Variants in GPATCH2L observed in about 807,000 individuals in gnomAD.
The protein encoded by GPATCH2L is G-patch domain containing 2 like.
GPATCH2L carries 31 observed loss-of-function variants against 57.4 expected under a neutral mutation model. The ratio of observed to expected loss-of-function variants is 0.54; its 90% confidence interval spans 0.41 to 0.73. GPATCH2L has a LOEUF of 0.73. GPATCH2L is among the 30% of genes least tolerant of loss of function. The pLI is 0.00. For synonymous variants in GPATCH2L, 199 were observed against 210.7 expected (o/e 0.94, Z 0.48); for missense variants, 481 against 599.9 (o/e 0.80, Z 2.07).
chr14:76,152,417 G>A (rs2038092151), intron 1 of GPATCH2L: 2 of 292,148 alleles, frequency 6.8e-6, no homozygotes, highest in African/African-American at 4.4e-5. Context: ...TGCCCTAGAA[G>A]AGCCGATCCC....
At chr14:76,234,105 G>C (rs937515524) in intron 2 of GPATCH2L, among the ~76,000 whole-genome samples, 1 of 152,146 alleles carries the variant, frequency 6.6e-6, no homozygotes, top group Non-Finnish European at 1.5e-5. Flanking sequence ...GCAAGAACCT[G>C]TCTCTAAAAA....
chr14:76,171,822 G>A, intron 3 of GPATCH2L, 21 bp from the exon 4 acceptor site: 1 of 1,471,446 alleles, frequency 6.8e-7, no homozygotes, highest in South Asian at 1.3e-5. Context: ...TCTAGCTTAT[G>A]ATATGATGTC....
rs1297150134 is a variant in GPATCH2L, at chr14:76,203,095, C to G, written c.*1244C>G. 1 of 152,206 alleles carries G rather than the reference C, an allele frequency of 6.6e-6. No individual in the cohort carries two copies. Among genetic ancestry groups the G allele is most frequent in the Non-Finnish European group, 1.5e-5 (1 of 68,050 alleles). 9.4% of individuals were successfully genotyped at this position (152,206 alleles called of 1,614,324 possible). The stretch of plus-strand genomic sequence containing the variant: ...TCCCACTCATGCATCTGCTTATTTT[C>G]TGTCTTAAATAGGTGCTGAATGGGG... On this transcript the variant is annotated 3_prime_UTR_variant, in exon 10 of 10. Transcript: ENST00000261530.
At chr14:76,169,642 T>G (rs2038998703) in intron 3 of GPATCH2L, among the ~76,000 whole-genome samples, 1 of 152,178 alleles carries the variant, frequency 6.6e-6, no homozygotes, top group African/African-American at 2.4e-5. Context: ...GGGAGTCCCT[T>G]TTTGTATTAT....
chr14:76,212,214 A>G lies in GPATCH2L; in HGVS notation c.*10363A>G, dbSNP rs184384531. The G allele has an allele frequency of 1.5e-4, 23 of 152,304 alleles. 1 individual carries two copies. Among genetic ancestry groups the G allele is most frequent in the African/African-American group, 5.5e-4 (23 of 41,574 alleles). The allele number at this position is 152,304 out of a possible 1,614,324, so 9.4% of individuals were successfully genotyped here. A position where few individuals can be genotyped will look rare whatever the true frequency, so the allele number is the denominator to read the frequency against. On this transcript the variant is annotated 3_prime_UTR_variant, in exon 10 of 10. Transcript: ENST00000261530. Reference sequence around the variant, plus strand: ...AGATGTCTAAAACCATAGAATAGGAACAAATGTACCTGTCATATTAATAAA... The same window carrying G: ...AGATGTCTAAAACCATAGAATAGGAGCAAATGTACCTGTCATATTAATAAA...
At position 76,205,366 on chromosome 14, in the gene GPATCH2L, G is replaced by GGTA. The variant is rs1194994577; in HGVS notation, c.*3516_*3518dup. 1 of 152,142 alleles carries GGTA rather than the reference G, an allele frequency of 6.6e-6. No homozygotes were observed. The highest frequency in any genetic ancestry group is 2.4e-5 in the African/African-American group (1 of 41,408). The allele number at this position is 152,142 out of a possible 1,614,324, so 9.4% of individuals were successfully genotyped here. A position where few individuals can be genotyped will look rare whatever the true frequency, so the allele number is the denominator to read the frequency against. ...GGGCTGAGTATAATTTTTACTGAGT[G>GGTA]GTATGTGGTTGGAAAATAGGCCACA... On this transcript the variant is annotated 3_prime_UTR_variant, in exon 10 of 10. Coordinates refer to ENST00000261530, the MANE Select transcript of GPATCH2L (RefSeq NM_017926.4).
chr14:76,235,212 A>C (rs1045316252), intron 2 of GPATCH2L, among the ~76,000 whole-genome samples: 2 of 152,058 alleles, frequency 1.3e-5, no homozygotes, highest in African/African-American at 4.8e-5. Context: ...TACAGTAGAC[A>C]TTCACCAAAC....
At chr14:76,220,262 C>T (rs775739143) in intron 1 of GPATCH2L, among the ~76,000 whole-genome samples, 3 of 152,112 alleles carry the variant, frequency 2.0e-5, no homozygotes, top group Non-Finnish European at 2.9e-5. Flanking sequence ...CTAACTATAT[C>T]TGGCTTTCAA....
Position 76,205,519 on chromosome 14 carries a change from T to A in GPATCH2L, c.*3668T>A, listed in dbSNP as rs2139835945. The A allele has an allele frequency of 6.6e-6, 1 of 152,362 alleles. No individual in the cohort carries two copies. Among genetic ancestry groups the A allele is most frequent in the East Asian group, 1.9e-4 (1 of 5,190 alleles). The allele number at this position is 152,362 out of a possible 1,614,324, so 9.4% of individuals were successfully genotyped here. ...GGCCAAAAGCTGAAATAAATCTTCT[T>A]AGTCTGTGATGCTTGTAGCATCCTT... On this transcript the variant is annotated 3_prime_UTR_variant, in exon 10 of 10. Transcript: ENST00000261530.
In GPATCH2L at chr14:76,206,277, CA is replaced by C. The variant is rs2040374788; in HGVS notation, c.*4428del. 6.6e-6 allele frequency: 1 copy of C among 152,154 alleles called. No homozygotes were observed. Among genetic ancestry groups the C allele is most frequent in the African/African-American group, 2.4e-5 (1 of 41,428 alleles). The allele number at this position is 152,154 out of a possible 1,614,324, so 9.4% of individuals were successfully genotyped here. A position where few individuals can be genotyped will look rare whatever the true frequency, so the allele number is the denominator to read the frequency against. ...GAGTTCCATCACTCAGAACTAAATG[CA>C]AGTGGTAGAGAGATGCTTTCTCCTG... On this transcript the variant is annotated 3_prime_UTR_variant, in exon 10 of 10. Coordinates refer to ENST00000261530, the MANE Select transcript of GPATCH2L (RefSeq NM_017926.4).
Position 76,201,939 on chromosome 14 carries a change from C to T in GPATCH2L, c.*88C>T, listed in dbSNP as rs2040318835. 6 of 1,114,750 alleles carry T rather than the reference C, an allele frequency of 5.4e-6. No homozygotes were observed. The highest frequency in any genetic ancestry group is 2.6e-5 in the East Asian group (1 of 38,908). 69.1% of individuals were successfully genotyped at this position (1,114,750 alleles called of 1,614,324 possible). A position where few individuals can be genotyped will look rare whatever the true frequency, so the allele number is the denominator to read the frequency against. ...GTTAGATAGTCTTGCATATCTTAAT[C>T]GACATTCCCAGTCCTTTCACCACCA... On this transcript the variant is annotated 3_prime_UTR_variant, in exon 10 of 10. Coordinates refer to ENST00000261530, the MANE Select transcript of GPATCH2L (RefSeq NM_017926.4).
intron 8 of GPATCH2L, among the ~76,000 whole-genome samples, chr14:76,192,891 A>G (rs2040025461): frequency 6.6e-6 from 1 of 152,188 alleles, no homozygotes; most frequent in Non-Finnish European, 1.5e-5. Flanking sequence ...TAAGATATTC[A>G]AGGCAACAGT....
Position 76,172,899 on chromosome 14 carries a change from T to C in GPATCH2L, c.905-647T>C, listed in dbSNP as rs374827693. ...CAGTTGGTGCTTGGTAAAGACTAGC[T>C]GAGGCACACATTGCTTTATTGAACA... is the stretch of plus-strand genomic sequence containing the variant. On this transcript the variant is annotated intron_variant, in intron 4 of 9. Transcript: ENST00000261530. Among the ~76,000 whole-genome samples, 5 of 152,236 alleles carry C rather than the reference T, an allele frequency of 3.3e-5. No homozygotes were observed. The East Asian group carries it at 5.8e-4, about 18-fold the overall frequency.
In GPATCH2L at chr14:76,154,722, A is replaced by T. The variant is rs761327635; in HGVS notation, c.359A>T (p.Asn120Ile). 6.2e-7 allele frequency: 1 copy of T among 1,614,194 alleles called. No homozygotes were observed. The highest frequency in any genetic ancestry group is 2.2e-5 in the East Asian group (1 of 44,892). The change falls in exon 2 of 10, where the codon AAT becomes ATT. Residue 120 changes from asparagine (N) to isoleucine (I), a missense_variant. Asn to Ile is a moderately radical substitution (Grantham distance 149). Transcript: ENST00000261530. The surrounding 1 kb of genome is among the most constrained non-coding windows in gnomAD (Gnocchi z 4.4). ...SWHESDSFTE[N>I]APCRPLRRRR... ...CATGAATCTGACTCCTTTACTGAAA[A>T]TGCACCTTGTCGACCACTCAGGCGC...
At chr14:76,187,462 G>T (rs1456241402) in intron 8 of GPATCH2L, among the ~76,000 whole-genome samples, 2 of 151,984 alleles carry the variant, frequency 1.3e-5, no homozygotes, top group African/African-American at 2.4e-5. Context: ...AGAATAATTG[G>T]AATATATATA....
At chr14:76,157,524 A>G (rs1265364081) in intron 2 of GPATCH2L, among the ~76,000 whole-genome samples, 1 of 152,182 alleles carries the variant, frequency 6.6e-6, no homozygotes, top group Admixed American at 6.5e-5. Flanking sequence ...ATCTACTTGG[A>G]TGTGCCACTG....
intron 2 of GPATCH2L, chr14:76,230,536 T>A (rs190732177): frequency 2.6e-5 from 4 of 152,148 alleles, no homozygotes; most frequent in African/African-American, 9.6e-5. Context: ...GTCACATTGA[T>A]CCTCTCAGTT....
At position 76,212,906 on chromosome 14, in the gene GPATCH2L, T is replaced by G. The variant is rs2040457675; in HGVS notation, c.*11055T>G. ...CCAAAATGTTTTTAAGCTCTTCAAC[T>G]ATTCTTGGGTTGATTAGGAAATGCA... On this transcript the variant is annotated 3_prime_UTR_variant, in exon 10 of 10. Transcript: ENST00000261530. 6.6e-6 allele frequency: 1 copy of G among 152,182 alleles called. No individual in the cohort carries two copies. The highest frequency in any genetic ancestry group is 2.4e-5 in the African/African-American group (1 of 41,452). 9.4% of individuals were successfully genotyped at this position (152,182 alleles called of 1,614,324 possible).
chr14:76,233,748 C>T (rs1004588524), intron 2 of GPATCH2L, among the ~76,000 whole-genome samples: 2 of 152,234 alleles, frequency 1.3e-5, no homozygotes, highest in Non-Finnish European at 2.9e-5. Context: ...TCATCATATA[C>T]CCAGTTAGTA....
Sources: gnomAD v4.1 joint callset for allele counts (sites outside exome capture counted in the v4.1 genomes callset) on GRCh38, gnomAD v4.1.1 for gene constraint, Gnocchi (gnomAD v3.1) non-coding constraint, MANE v1.5 for transcripts, NCBI Gene and HGNC (gene_info 2026-07-23, HGNC 2026-07-21) for gene names.